Variants in MED22 observed in about 807,000 individuals in gnomAD.
MED22 encodes mediator complex subunit 22, also known as mediator of RNA polymerase II transcription subunit 22.
MED22 carries 22 observed loss-of-function variants against 22.7 expected under a neutral mutation model. The ratio of observed to expected loss-of-function variants is 0.97; its 90% CI spans 0.69 to 1.38. MED22 has a LOEUF of 1.38. Ranked by LOEUF, MED22 falls within the 40% of genes most tolerant of loss-of-function variation. The probability of loss-of-function intolerance (pLI) is 0.00; values close to 1 mark genes in which losing one functional copy is unlikely to be tolerated. For synonymous variants in MED22, 134 were observed against 119.4 expected (o/e 1.12, Z -0.80); for missense variants, 247 against 263.0 (o/e 0.94, Z 0.42).
chr9:133,340,552 G>A lies in MED22; in HGVS notation c.*953C>T, dbSNP rs1476751441. ...CTGGCACCAAAAGACACTGGGTCTA[G>A]ACTTCCATCAGGTTCAAGTTCTGAT... On this transcript the variant is annotated 3_prime_UTR_variant, in exon 5 of 5. Coordinates refer to ENST00000343730, the MANE Select transcript of MED22 (RefSeq NM_133640.5). 2 of 152,258 alleles carry A rather than the reference G, an allele frequency of 1.3e-5. No homozygotes were observed. The highest frequency in any genetic ancestry group is 2.4e-5 in the African/African-American group (1 of 41,466). 9.4% of individuals were successfully genotyped at this position (152,258 alleles called of 1,614,324 possible).
At chr9:133,342,022 C>A (rs1836020250) in intron 4 of MED22, 2 of 1,126,984 alleles carry the variant, frequency 1.8e-6, no homozygotes, top group Non-Finnish European at 1.1e-6. Context: ...TGCTGGTCCC[C>A]CTCCTCTTGC....
rs2129947611 is a variant in MED22 at position 133,341,275 on chromosome 9, G to A, written c.*230C>T. Reference sequence around the variant, plus strand: ...GCTGGCCAGGAAGGCAGCAAACAGAGATGATGACTCGGAATGATGGGCTAT... The same window carrying A: ...GCTGGCCAGGAAGGCAGCAAACAGAAATGATGACTCGGAATGATGGGCTAT... On this transcript the variant is annotated 3_prime_UTR_variant, in exon 5 of 5. Transcript: ENST00000343730. The A allele has an allele frequency of 2.2e-6, 1 of 444,592 alleles. No homozygotes were observed. The highest frequency in any genetic ancestry group is 3.8e-5 in the East Asian group (1 of 26,506). 27.5% of individuals were successfully genotyped at this position (444,592 alleles called of 1,614,324 possible).
intron 4 of MED22, chr9:133,343,642 C>T (rs1390533264): frequency 3.2e-6 from 4 of 1,249,148 alleles, no homozygotes; most frequent in Non-Finnish European, 4.0e-6. Context: ...CTGTCCCTGC[C>T]TCCACACTGG....
At chr9:133,343,202 C>T in intron 4 of MED22, 2 of 1,116,458 alleles carry the variant, frequency 1.8e-6, no homozygotes, top group East Asian at 4.9e-5. Context: ...CTGTGGCTCC[C>T]AGCATGGCCA....
chr9:133,343,835 G>A, intron 4 of MED22: 1 of 1,412,328 alleles, frequency 7.1e-7, no homozygotes, highest in Non-Finnish European at 9.2e-7. Context: ...AAGAGGGCCT[G>A]CGGGGGATAC....
rs1039585217 is a variant in MED22 at position 133,341,755 on chromosome 9, AG to A, written c.414-62del. ...AGCAGGCAGAGAGGAAAGCCAGGGG[AG>A]GGGAGAGCAAGACAGAAGCAGAGTT... is the stretch of plus-strand genomic sequence containing the variant. On this transcript the variant is annotated intron_variant, in intron 4 of 4. Transcript: ENST00000343730. The A allele has an allele frequency of 1.6e-5, 25 of 1,568,746 alleles. No individual in the cohort carries two copies. The Admixed American group carries it at 4.8e-4, about 30-fold the overall frequency.
intron 1 of MED22, chr9:133,347,169 G>C (rs935116920): frequency 6.4e-6 from 1 of 155,398 alleles, no homozygotes; most frequent in Admixed American, 6.4e-5. Context: ...CCTCATCCCT[G>C]CACTGCGGGC....
intron 4 of MED22, chr9:133,343,749 T>C (rs2119062872): frequency 7.7e-7 from 1 of 1,299,640 alleles, no homozygotes; most frequent in Non-Finnish European, 9.7e-7. Context: ...TTGGCTGAAA[T>C]CTCTACATAT....
rs1380207629 is a variant in MED22 at position 133,346,520 on chromosome 9, G to T, written c.123+20C>A. The stretch of plus-strand genomic sequence containing the variant: ...CCCTTCTCAGACTCTGCTCCCCTTG[G>T]TGGGCCACCCCACCCCCACCTTGGC... On this transcript the variant is annotated intron_variant, in intron 2 of 4. Coordinates refer to ENST00000343730, the MANE Select transcript of MED22 (RefSeq NM_133640.5). The T allele has an allele frequency of 1.2e-6, 2 of 1,611,346 alleles. No homozygotes were observed. The highest frequency in any genetic ancestry group is 1.3e-5 in the African/African-American group (1 of 74,868).
At chr9:133,342,573 C>T (rs1490491138) in intron 4 of MED22, 10 of 984,610 alleles carry the variant, frequency 1.0e-5, no homozygotes, top group Admixed American at 6.2e-5. Context: ...GGGCAGGGAG[C>T]GGAGCGCCCT....
Position 133,348,026 on chromosome 9 carries a change from C to G in MED22, c.-143G>C. 1.5e-6 allele frequency: 1 copy of G among 662,918 alleles called. No individual in the cohort carries two copies. The highest frequency in any genetic ancestry group is 1.7e-5 in the South Asian group (1 of 58,038). The allele number at this position is 662,918 out of a possible 1,614,324, so 41.1% of individuals were successfully genotyped here. The stretch of plus-strand genomic sequence containing the variant: ...CACTTTCCCGCGTCTCTCCCACGGC[C>G]TGGCCCTCCCGCCGCAGTCTCTCTT... On this transcript the variant is annotated 5_prime_UTR_variant, in exon 1 of 5. Coordinates refer to ENST00000343730, the MANE Select transcript of MED22 (RefSeq NM_133640.5).
In MED22 at chr9:133,348,078, T is replaced by C; in HGVS notation, c.-195A>G. 1.0e-6 allele frequency: 1 copy of C among 988,542 alleles called. No individual in the cohort carries two copies. The highest frequency in any genetic ancestry group is 1.6e-6 in the Non-Finnish European group (1 of 637,542). The allele number at this position is 988,542 out of a possible 1,614,324, so 61.2% of individuals were successfully genotyped here. Reference sequence around the variant, plus strand: ...CCCGCCGCGCCGCGGTCCGAAAACCTAGTCAGCCGCCGCAGCCTCTCGGCC... The same window carrying C: ...CCCGCCGCGCCGCGGTCCGAAAACCCAGTCAGCCGCCGCAGCCTCTCGGCC... On this transcript the variant is annotated 5_prime_UTR_variant, in exon 1 of 5. Transcript: ENST00000343730.
chr9:133,347,883 AC>A (rs1304788625), intron 1 of MED22, 38 bp downstream of exon 1: 4 of 16,872 alleles, frequency 2.4e-4, no homozygotes, highest in Non-Finnish European at 5.2e-4. Flanking sequence ...CCACACACCC[AC>A]CCCCCCTCCA....
rs933985358 is a variant in MED22 at position 133,339,089 on chromosome 9, G to A, written c.*2416C>T. 5 of 678,770 alleles carry A rather than the reference G, an allele frequency of 7.4e-6. No individual in the cohort carries two copies. The highest frequency in any genetic ancestry group is 1.4e-5 in the Non-Finnish European group (5 of 363,536). The allele number at this position is 678,770 out of a possible 1,614,324, so 42.0% of individuals were successfully genotyped here. A position where few individuals can be genotyped will look rare whatever the true frequency, so the allele number is the denominator to read the frequency against. On this transcript the variant is annotated 3_prime_UTR_variant, in exon 5 of 5. Transcript: ENST00000343730. ...TCCTTTGGCCAAGTATATGCAAATT[G>A]ATGAGAAAGGTGATATTGTAGATAT...
Position 133,346,601 on chromosome 9 carries a change from C to A in MED22, c.62G>T (p.Arg21Leu), listed in dbSNP as rs2129969022. 1 of 1,613,074 alleles carries A rather than the reference C, an allele frequency of 6.2e-7. No homozygotes were observed. The highest frequency in any genetic ancestry group is 8.5e-7 in the Non-Finnish European group (1 of 1,180,014). Residue 21 changes from arginine (R) to leucine (L), a missense_variant, in exon 2 of 5, where the codon CGG (arginine) becomes CTG (leucine). By Grantham distance (102) the Arg-to-Leu change is moderately radical. Transcript: ENST00000343730. ...GATGGACTTAATGTCGTCCTTCAGC[C>A]GCTTGTTGTAGGACTGCAGCAGCGT... ...KETLLQSYNK[R>L]LKDDIKSIMD...
At chr9:133,343,843 T>C (rs1007469335) in intron 4 of MED22, 7 of 1,412,060 alleles carry the variant, frequency 5.0e-6, no homozygotes, top group South Asian at 1.7e-5. Flanking sequence ...CTGCGGGGGA[T>C]ACAGCCAGGC....
chr9:133,343,322 C>A, intron 4 of MED22: 6 of 1,229,716 alleles, frequency 4.9e-6, no homozygotes, highest in Non-Finnish European at 6.1e-6. Context: ...TCTTGATTTT[C>A]TAAGCTAATG....
chr9:133,348,115 T>A lies in MED22; in HGVS notation c.-232A>T. ...GCAGCCTCTCGGCCCCGCCTCGATT[T>A]TTAGCTTTATAGGAATGCTGTTGCT... is the stretch of plus-strand genomic sequence containing the variant. On this transcript the variant is annotated 5_prime_UTR_variant, in exon 1 of 5. Coordinates refer to ENST00000343730, the MANE Select transcript of MED22 (RefSeq NM_133640.5). 6 of 1,382,836 alleles carry A rather than the reference T, an allele frequency of 4.3e-6. No homozygotes were observed. The highest frequency in any genetic ancestry group is 6.2e-6 in the Non-Finnish European group (6 of 974,174). 85.7% of individuals were successfully genotyped at this position (1,382,836 alleles called of 1,614,324 possible). A position where few individuals can be genotyped will look rare whatever the true frequency, so the allele number is the denominator to read the frequency against.
chr9:133,341,788 A>C (rs587623973), intron 4 of MED22, 94 bp from the exon 5 acceptor site: 2 of 1,523,696 alleles, frequency 1.3e-6, no homozygotes, highest in Middle Eastern at 1.8e-4. Flanking sequence ...AGTTAAGAAA[A>C]CACGACCACA....
Sources: gnomAD v4.1 joint callset for allele counts on GRCh38, gnomAD v4.1.1 for gene constraint, MANE v1.5 for transcripts, NCBI Gene and HGNC (gene_info 2026-07-23, HGNC 2026-07-21) for gene names.